FIRRM: variants seen among roughly 807,000 people sequenced by gnomAD.
FIRRM encodes the protein FIGNL1-interacting regulator of recombination and mitosis.
At chr1:169,798,756 C>T in the FIRRM span, 12 of 363,470 alleles carry the variant, frequency 3.3e-5, no homozygotes, top group South Asian at 1.1e-3. Flanking sequence ...CCTAATAAAT[C>T]TTAAGTTTTT....
At chr1:169,811,701 C>A in the FIRRM span, among the ~76,000 whole-genome samples, 1 of 147,570 alleles carries the variant, frequency 6.8e-6, no homozygotes, top group South Asian at 2.2e-4. Flanking sequence ...GACAGATTAT[C>A]TAAATAGATA....
At chr1:169,825,210 C>T in the FIRRM span, among the ~76,000 whole-genome samples, 3 of 152,200 alleles carry the variant, frequency 2.0e-5, no homozygotes, top group South Asian at 6.2e-4. Flanking sequence ...CTAGTTTGTT[C>T]TCCACAAAGT....
the FIRRM span, chr1:169,852,777 G>A: frequency 6.2e-7 from 1 of 1,611,272 alleles, no homozygotes; most frequent in Admixed American, 1.7e-5. Flanking sequence ...TATTACTTAT[G>A]TTTTTTTTCC....
chr1:169,798,882 A>AT, the FIRRM span: 1 of 1,234,224 alleles, frequency 8.1e-7, no homozygotes, highest in East Asian at 2.7e-5. Context: ...TGAATACCCT[A>AT]TTACTATGAT....
chr1:169,796,058 A>T, the FIRRM span: 8 of 744,996 alleles, frequency 1.1e-5, no homozygotes, highest in South Asian at 1.8e-4. Context: ...AAAGAAAAAA[A>T]GTAACCTTCA....
chr1:169,826,195 C>G, the FIRRM span: 2 of 179,204 alleles, frequency 1.1e-5, no homozygotes, highest in East Asian at 3.2e-4. Context: ...GACTCCGCCT[C>G]CCAAGTAGCT....
At chr1:169,792,461 A>G in the FIRRM span, 1 of 993,168 alleles carries the variant, frequency 1.0e-6, no homozygotes, top group Non-Finnish European at 1.4e-6. Context: ...ATTTGGATAA[A>G]CAAAACTAAA....
At chr1:169,844,077 C>G in the FIRRM span, among the ~76,000 whole-genome samples, 1 of 152,176 alleles carries the variant, frequency 6.6e-6, no homozygotes, top group Non-Finnish European at 1.5e-5. Flanking sequence ...ATGTGTTGAA[C>G]CCTGCATTCA....
At chr1:169,853,340 C>CTT in the FIRRM span, 1 of 321,026 alleles carries the variant, frequency 3.1e-6, no homozygotes, top group Non-Finnish European at 5.7e-6. Flanking sequence ...AGAGCTTACT[C>CTT]TTATGTTAAA....
At chr1:169,797,463 G>A in the FIRRM span, among the ~76,000 whole-genome samples, 1 of 152,190 alleles carries the variant, frequency 6.6e-6, no homozygotes, top group South Asian at 2.1e-4. Flanking sequence ...TTGAGTTAAT[G>A]ATGACCTCAT....
chr1:169,845,012 ATACT>A, the FIRRM span, among the ~76,000 whole-genome samples: 12 of 152,346 alleles, frequency 7.9e-5, no homozygotes, highest in African/African-American at 1.7e-4. Flanking sequence ...AAAGCCTAAA[ATACT>A]TACTATTTGG....
the FIRRM span, chr1:169,794,796 T>C: frequency 3.6e-6 from 1 of 280,528 alleles, no homozygotes; most frequent in South Asian, 5.0e-5. Flanking sequence ...TTGAATGTAA[T>C]GTTTACAGTG....
chr1:169,829,440 T>TGCTGAACTGGTAA, the FIRRM span: 3 of 1,610,814 alleles, frequency 1.9e-6, no homozygotes, highest in Non-Finnish European at 2.5e-6. Flanking sequence ...CCTCACTGTT[T>TGCTGAACTGGTAA]GCTGAACTGG....
the FIRRM span, among the ~76,000 whole-genome samples, chr1:169,812,370 T>C: frequency 2.6e-5 from 4 of 152,174 alleles, no homozygotes; most frequent in African/African-American, 9.7e-5. Context: ...TAGGTAATTA[T>C]TATAGAATGG....
At chr1:169,840,589 T>C in the FIRRM span, among the ~76,000 whole-genome samples, 1 of 150,878 alleles carries the variant, frequency 6.6e-6, no homozygotes, top group Non-Finnish European at 1.5e-5. Context: ...CGGCTCACTG[T>C]GAGCTCTGCC....
At chr1:169,809,288 C>G in the FIRRM span, among the ~76,000 whole-genome samples, 1 of 152,154 alleles carries the variant, frequency 6.6e-6, no homozygotes, top group African/African-American at 2.4e-5. Context: ...GTCCTCACTT[C>G]ATTCGTGCAT....
At chr1:169,807,859 G>A in the FIRRM span, 1 of 1,609,614 alleles carries the variant, frequency 6.2e-7, no homozygotes, top group Non-Finnish European at 8.5e-7. Context: ...ACTAGCTTGT[G>A]TGAAGACATT....
the FIRRM span, chr1:169,853,815 C>G: frequency 6.3e-7 from 1 of 1,590,726 alleles, no homozygotes; most frequent in East Asian, 2.2e-5. Context: ...TGAAACAAAT[C>G]ATATGCAAAA....
the FIRRM span, among the ~76,000 whole-genome samples, chr1:169,785,145 G>A: frequency 9.8e-5 from 15 of 152,338 alleles, no homozygotes; most frequent in Admixed American, 9.8e-4. Context: ...CTCGCAGGAT[G>A]TGTGACAGTG....
Sources: allele counts gnomAD v4.1 joint callset (sites outside exome capture counted in the v4.1 genomes callset), GRCh38; gene constraint gnomAD v4.1.1; transcripts MANE v1.5; gene names NCBI Gene and HGNC (gene_info 2026-07-23, HGNC 2026-07-21).